ACLY: variants seen among roughly 807,000 people sequenced by gnomAD.
ACLY encodes the protein ATP citrate lyase.
ACLY carries 41 observed loss-of-function variants against 133.0 expected under a neutral mutation model. The ratio of observed to expected loss-of-function variants is 0.31; its 90% CI spans 0.24 to 0.40. The LOEUF (loss-of-function observed/expected upper bound fraction) is 0.40, where lower values mean the gene tolerates loss of function less well. Among genes scored for constraint, ACLY ranks in the 10% least tolerant of loss-of-function variants. ACLY has a pLI of 1.00. For synonymous variants in ACLY, 495 were observed against 549.3 expected, an observed-to-expected ratio of 0.90 and a Z score of 1.38; for missense variants, 1,046 against 1,453.8, an observed-to-expected ratio of 0.72 and a Z score of 4.56.
intron 19 of ACLY, among the ~76,000 whole-genome samples, chr17:41,883,773 T>C (rs1339951587): frequency 2.0e-5 from 3 of 151,918 alleles, no homozygotes; most frequent in African/African-American, 7.3e-5. Flanking sequence ...TTAGTAGAGA[T>C]GGGGTTTCAC....
chr17:41,906,472 C>T, intron 8 of ACLY, 56 bp downstream of exon 8: 2 of 1,485,392 alleles, frequency 1.3e-6, no homozygotes, highest in Non-Finnish European at 1.9e-6. Context: ...AGGCTACACA[C>T]ATGTTGATGC....
chr17:41,876,905 T>C (rs2048774042), intron 22 of ACLY, among the ~76,000 whole-genome samples: 1 of 138,418 alleles, frequency 7.2e-6, no homozygotes, highest in South Asian at 2.3e-4. Context: ...GAATGATCAA[T>C]ACAAAAAAAT....
At chr17:41,891,115 A>G (rs2049199432) in intron 16 of ACLY, among the ~76,000 whole-genome samples, 1 of 151,788 alleles carries the variant, frequency 6.6e-6, no homozygotes, top group Non-Finnish European at 1.5e-5. Flanking sequence ...GCACACTGCA[A>G]CCTCAACCTC....
intron 5 of ACLY, 59 bp downstream of exon 5, chr17:41,909,451 C>A: frequency 6.4e-7 from 1 of 1,570,848 alleles, no homozygotes; most frequent in South Asian, 1.2e-5. Context: ...AGTCTGTGCC[C>A]AGAGCCTGTC....
intron 22 of ACLY, 37 bp downstream of exon 22, chr17:41,878,066 C>T (rs371598391): frequency 1.4e-6 from 2 of 1,431,658 alleles, no homozygotes; most frequent in African/African-American, 2.9e-5. Flanking sequence ...CACAGATCTC[C>T]CTTGCTCACA....
chr17:41,874,580 T>TC (rs1186562470), intron 22 of ACLY, among the ~76,000 whole-genome samples: 3 of 150,756 alleles, frequency 2.0e-5, no homozygotes, highest in Admixed American at 1.3e-4. Context: ...GCTTCTTTTT[T>TC]TTTTTTTTTT....
At position 41,909,556 on chromosome 17, in the gene ACLY, C is replaced by T. The variant is rs782758020; in HGVS notation, c.490G>A (p.Asp164Asn). ...TGGACCAACAGGTGTTTTTTGATGTCCTCAGGATTCAGTTTCTCATCCACG... is the reference window on the plus strand; with the variant it reads ...TGGACCAACAGGTGTTTTTTGATGTTCTCAGGATTCAGTTTCTCATCCACG... ...VGVDEKLNPE[D>N]IKKHLLVHAP... Residue 164 changes from aspartate to asparagine, a missense_variant, in exon 5 of 29, where the codon GAC becomes AAC. By Grantham distance (23) the Asp-to-Asn change is conservative. Coordinates refer to ENST00000352035, the MANE Select transcript of ACLY (RefSeq NM_001096.3). The T allele has an allele frequency of 1.2e-6, 2 of 1,614,178 alleles. No homozygotes were observed. Among genetic ancestry groups the T allele is most frequent in the Non-Finnish European group, 1.7e-6 (2 of 1,180,038 alleles).
intron 14 of ACLY, among the ~76,000 whole-genome samples, chr17:41,893,534 C>A (rs2049275936): frequency 6.6e-6 from 1 of 152,202 alleles, no homozygotes; most frequent in South Asian, 2.1e-4. Context: ...CAAATGAGGT[C>A]TTAACAAATT....
intron 21 of ACLY, 36 bp from the exon 22 acceptor site, chr17:41,878,232 T>A: frequency 6.8e-7 from 1 of 1,475,544 alleles, no homozygotes; most frequent in South Asian, 1.3e-5. Flanking sequence ...CCATGTGGAT[T>A]TTCTTATTTT....
In ACLY at chr17:41,892,360, A is replaced by C. The variant is rs8065502; in HGVS notation, c.1689T>G (p.His563Gln). 6.2e-7 allele frequency: 1 copy of C among 1,613,278 alleles called. No homozygotes were observed. Among genetic ancestry groups the C allele is most frequent in the Non-Finnish European group, 8.5e-7 (1 of 1,179,974 alleles). ...AGTTGATGAGCACATCTACCTCCGG[A>C]TGCTTCCTCATGGCATCAGCCATGT... is the stretch of plus-strand genomic sequence containing the variant. Reference protein sequence around the residue: ...FKNMADAMRKHPEVDVLINFA... With the variant: ...FKNMADAMRKQPEVDVLINFA... The change falls in exon 16 of 29, where the codon CAT (histidine) becomes CAG (glutamine). Residue 563 changes from histidine (H) to glutamine (Q), a missense_variant. Physicochemically the swap from His to Gln is conservative, Grantham distance 24. Coordinates refer to ENST00000352035, the MANE Select transcript of ACLY (RefSeq NM_001096.3).
At chr17:41,925,668 G>A (rs528496326) in intron 1 of ACLY, among the ~76,000 whole-genome samples, 5 of 152,058 alleles carry the variant, frequency 3.3e-5, no homozygotes, top group African/African-American at 1.2e-4. Flanking sequence ...AAGTGGGGGA[G>A]GGGAGGCCAA....
Position 41,898,773 on chromosome 17 carries a change from C to T in ACLY, c.1196G>A (p.Gly399Glu), listed in dbSNP as rs1555630948. ...RVMGEVGKTT[G>E]IPIHVFGTET... ...TGTGCCAAAGACATGGATGGGGATC[C>T]CAGTGGTCTTCCCTGCAAGGGAAGG... The change falls in exon 12 of 29, where the codon GGG becomes GAG. Residue 399 changes from glycine (G) to glutamate (E), a missense_variant. Physicochemically the swap from Gly to Glu is moderately conservative, Grantham distance 98 (BLOSUM62 -2). Around this residue, in one of 4 missense-constraint regions of ACLY, gnomAD observed 575 missense variants for 804.2 expected, o/e 0.71. Coordinates refer to ENST00000352035, the MANE Select transcript of ACLY (RefSeq NM_001096.3). 2.5e-6 allele frequency: 4 copies of T among 1,613,806 alleles called. No homozygotes were observed. The highest frequency in any genetic ancestry group is 3.4e-6 in the Non-Finnish European group (4 of 1,179,880).
Position 41,906,774 on chromosome 17 carries a change from C to T in ACLY, c.748-128G>A, listed in dbSNP as rs2049731946. Reference sequence around the variant, plus strand: ...GCCTTAATGGGGTGGGAAGAAGGGGCTACGCAGGGCCCCACATGCCTTGAA... The same window carrying T: ...GCCTTAATGGGGTGGGAAGAAGGGGTTACGCAGGGCCCCACATGCCTTGAA... On this transcript the variant is annotated intron_variant, in intron 7 of 28. Coordinates refer to ENST00000352035, the MANE Select transcript of ACLY (RefSeq NM_001096.3). 3 of 800,202 alleles carry T rather than the reference C, an allele frequency of 3.7e-6. No homozygotes were observed. In the South Asian group the frequency reaches 4.7e-5, roughly 12 times the overall value. 49.6% of individuals were successfully genotyped at this position (800,202 alleles called of 1,614,324 possible).
chr17:41,916,875 T>C lies in ACLY; in HGVS notation c.-24+2005A>G, dbSNP rs558254673. The stretch of plus-strand genomic sequence containing the variant: ...TAAGAACATTTGCGGCCAGGCACGG[T>C]GGCTTGCGCCTGTAATCCCAGCACT... On this transcript the variant is annotated intron_variant, in intron 1 of 28. Transcript: ENST00000352035. Among the ~76,000 whole-genome samples, 448 of 152,048 alleles carry C rather than the reference T, an allele frequency of 2.9e-3. 4 individuals carry two copies. Among genetic ancestry groups the C allele is most frequent in the Non-Finnish European group, 3.2e-3 (219 of 67,990 alleles).
intron 15 of ACLY, 53 bp from the exon 16 acceptor site, chr17:41,892,500 G>A (rs2049243165): frequency 1.3e-6 from 2 of 1,549,256 alleles, no homozygotes; most frequent in Non-Finnish European, 1.8e-6. Context: ...CAGGACTGGG[G>A]AAGGGGAAGC....
upstream of ACLY, among the ~76,000 whole-genome samples, chr17:41,920,923 G>C (rs886110726): frequency 6.6e-6 from 1 of 152,028 alleles, no homozygotes; most frequent in African/African-American, 2.4e-5. Context: ...TTAGCTGGGC[G>C]TGGTGGCAGG....
intron 16 of ACLY, among the ~76,000 whole-genome samples, chr17:41,888,719 G>A (rs1350995459): frequency 6.6e-6 from 1 of 152,040 alleles, no homozygotes; most frequent in Admixed American, 6.6e-5. Context: ...GACCCGGTAG[G>A]AGGATCAATT....
chr17:41,867,810 T>C lies in ACLY; in HGVS notation c.3306A>G (p.Ter1102=). 6.2e-7 allele frequency: 1 copy of C among 1,608,452 alleles called. No homozygotes were observed. The highest frequency in any genetic ancestry group is 1.1e-5 in the South Asian group (1 of 90,226). Residue 1102 remains the stop codon, a stop_retained_variant, in exon 29 of 29, where the codon TAA becomes TAG. Coordinates refer to ENST00000352035, the MANE Select transcript of ACLY (RefSeq NM_001096.3). ...SYVLPEHMSM[*] ...TACTGCAGTAGGGTTCCTGGCTCTG[T>C]TACATGCTCATGTGTTCCGGAAGAA...
intron 1 of ACLY, among the ~76,000 whole-genome samples, chr17:41,928,928 G>A (rs2050276703): frequency 6.6e-6 from 1 of 151,356 alleles, no homozygotes; most frequent in African/African-American, 2.4e-5. Flanking sequence ...CTTGCAGGAG[G>A]TTTTTTTCTG....
Sources: allele counts gnomAD v4.1 joint callset (sites outside exome capture counted in the v4.1 genomes callset), GRCh38; gene constraint gnomAD v4.1.1; regional missense constraint gnomAD v4.1.1; transcripts MANE v1.5; gene names NCBI Gene and HGNC (gene_info 2026-07-23, HGNC 2026-07-21).